BICC1: variants seen among roughly 807,000 people sequenced by gnomAD.
BICC1 encodes BicC family RNA binding protein 1.
BICC1 carries 43 observed loss-of-function variants against 111.0 expected under a neutral mutation model. The ratio of observed to expected loss-of-function variants is 0.39; its 90% CI spans 0.30 to 0.50. The LOEUF (loss-of-function observed/expected upper bound fraction) is 0.50. Ranked by LOEUF, BICC1 falls within the 20% of genes least tolerant of loss-of-function variation. BICC1 has a pLI of 0.88. For missense variants in BICC1, 1,091 were observed against 1,203.2 expected (o/e 0.91, Z 1.38); for synonymous variants, 467 against 434.4 (o/e 1.07, Z -0.93).
chr10:58,684,279 G>A lies in BICC1; in HGVS notation c.238-17795G>A, dbSNP rs995895627. On this transcript the variant is annotated intron_variant, in intron 2 of 20. Transcript: ENST00000373886. Reference sequence around the variant, plus strand: ...ATGTGCTGCTGGATTCAGTTTGCCAGTATTTTATTGAGGATTTTTGCATCG... The same window carrying A: ...ATGTGCTGCTGGATTCAGTTTGCCAATATTTTATTGAGGATTTTTGCATCG... 4.9e-4 allele frequency among the ~76,000 whole-genome samples: 75 copies of A among 152,310 alleles called. 1 individual carries two copies. The highest frequency in any genetic ancestry group is 3.7e-4 in the Non-Finnish European group (25 of 68,020).
chr10:58,513,270 A>G lies in BICC1; in HGVS notation c.127A>G (p.Ser43Gly). The change falls in exon 1 of 21, where the codon AGC (serine) becomes GGC (glycine). Residue 43 changes from serine (S) to glycine (G), a missense_variant. Ser to Gly is a moderately conservative substitution (Grantham distance 56). Coordinates refer to ENST00000373886, the MANE Select transcript of BICC1 (RefSeq NM_001080512.3). ...CTTGGTCGCCGGGGCGACCCTGCAC[A>G]GCCCGGAGTGGAGCGAGGAGCGCTT... ...DDLVAGATLH[S>G]PEWSEERFRV... is the part of the protein sequence containing the mutation. 1.9e-6 allele frequency: 3 copies of G among 1,612,916 alleles called. No individual in the cohort carries two copies. Among genetic ancestry groups the G allele is most frequent in the South Asian group, 1.1e-5 (1 of 90,976 alleles).
At chr10:58,605,307 A>G (rs929849026) in intron 1 of BICC1, among the ~76,000 whole-genome samples, 6 of 152,134 alleles carry the variant, frequency 3.9e-5, no homozygotes, top group South Asian at 2.1e-4. Flanking sequence ...CCCTAGATGT[A>G]GCTGCTTTTT....
At chr10:58,627,897 A>G (rs902605079) in intron 2 of BICC1, among the ~76,000 whole-genome samples, 4 of 152,218 alleles carry the variant, frequency 2.6e-5, no homozygotes, top group Admixed American at 2.0e-4. Context: ...TCAGCCATGT[A>G]ATATTTGAAA....
intron 1 of BICC1, among the ~76,000 whole-genome samples, chr10:58,586,679 C>T (rs1164012825): frequency 1.3e-5 from 2 of 151,584 alleles, no homozygotes; most frequent in South Asian, 2.1e-4. Context: ...TATACATACC[C>T]ACACACACTA....
chr10:58,692,165 T>TGAGA (rs1839928943), intron 2 of BICC1, among the ~76,000 whole-genome samples: 1 of 151,712 alleles, frequency 6.6e-6, no homozygotes, highest in African/African-American at 2.4e-5. Flanking sequence ...ATACTGAGTA[T>TGAGA]GAGAGAGAGA....
chr10:58,517,753 G>C (rs577111786), intron 1 of BICC1, among the ~76,000 whole-genome samples: 2 of 152,302 alleles, frequency 1.3e-5, no homozygotes, highest in African/African-American at 4.8e-5. Context: ...AAATGGGGCA[G>C]TTAATGGTAG....
At chr10:58,828,566 T>C (rs890669794) in intron 20 of BICC1, among the ~76,000 whole-genome samples, 195 bp from the exon 21 acceptor site, 5 of 152,232 alleles carry the variant, frequency 3.3e-5, no homozygotes, top group Non-Finnish European at 7.3e-5. Context: ...ACTATCAATA[T>C]GCTATCTTTA....
chr10:58,615,691 C>CT (rs1156432439), intron 1 of BICC1, among the ~76,000 whole-genome samples: 9 of 152,134 alleles, frequency 5.9e-5, no homozygotes, highest in Non-Finnish European at 1.2e-4. Context: ...TGGCATGACA[C>CT]TTGGCATAGT....
At chr10:58,797,786 A>G (rs1564619624) in intron 10 of BICC1, among the ~76,000 whole-genome samples, 1 of 152,298 alleles carries the variant, frequency 6.6e-6, no homozygotes, top group East Asian at 1.9e-4. Context: ...CATTATTTAA[A>G]TCAAGCATTG....
chr10:58,540,474 G>T (rs1842934801), intron 1 of BICC1, among the ~76,000 whole-genome samples: 1 of 151,920 alleles, frequency 6.6e-6, no homozygotes, highest in African/African-American at 2.4e-5. Flanking sequence ...TATCATAATA[G>T]AGTACTATGA....
At chr10:58,520,644 A>T (rs1842363613) in intron 1 of BICC1, among the ~76,000 whole-genome samples, 1 of 152,164 alleles carries the variant, frequency 6.6e-6, no homozygotes. Flanking sequence ...GTTGATCTGG[A>T]GCTTAACTGT....
intron 2 of BICC1, among the ~76,000 whole-genome samples, chr10:58,688,563 A>G (rs1019211565): frequency 6.6e-6 from 1 of 152,202 alleles, no homozygotes; most frequent in Non-Finnish European, 1.5e-5. Context: ...TCATTTTGCT[A>G]TAAAGACACA....
intron 3 of BICC1, among the ~76,000 whole-genome samples, chr10:58,706,343 G>A (rs527552909): frequency 1.3e-5 from 2 of 152,150 alleles, no homozygotes; most frequent in African/African-American, 4.8e-5. Flanking sequence ...CCTGCTTTAA[G>A]AAATACATAA....
At chr10:58,814,063 CTG>C (rs755652628) in intron 18 of BICC1, 77 bp downstream of exon 18, 3 of 1,517,156 alleles carry the variant, frequency 2.0e-6, no homozygotes, top group Non-Finnish European at 2.7e-6. Context: ...GTATCACTGA[CTG>C]TGGCCTCTCT....
chr10:58,708,612 T>G (rs1316994064), intron 3 of BICC1, among the ~76,000 whole-genome samples: 2 of 152,178 alleles, frequency 1.3e-5, no homozygotes, highest in Non-Finnish European at 2.9e-5. Flanking sequence ...GGCCCGAAGA[T>G]TGGTTGGACC....
chr10:58,653,153 A>C (rs1838505720), intron 2 of BICC1, among the ~76,000 whole-genome samples: 1 of 152,194 alleles, frequency 6.6e-6, no homozygotes, highest in African/African-American at 2.4e-5. Context: ...TATGAAGTAT[A>C]TTTAGCTAGG....
At chr10:58,580,544 T>C (rs1239567401) in intron 1 of BICC1, among the ~76,000 whole-genome samples, 1 of 152,136 alleles carries the variant, frequency 6.6e-6, no homozygotes, top group African/African-American at 2.4e-5. Context: ...TCTGAAACAC[T>C]TCTGGTCTCA....
intron 17 of BICC1, among the ~76,000 whole-genome samples, chr10:58,807,979 T>C (rs1048238426): frequency 1.3e-5 from 2 of 152,072 alleles, no homozygotes; most frequent in African/African-American, 4.8e-5. Context: ...TCATAATTGT[T>C]AGTCTAATAA....
intron 3 of BICC1, among the ~76,000 whole-genome samples, chr10:58,722,351 T>G (rs924393970): frequency 9.2e-5 from 14 of 152,236 alleles, no homozygotes; most frequent in African/African-American, 2.9e-4. Context: ...AGGAATAGTG[T>G]TTATTGATTT....
Sources: allele counts gnomAD v4.1 joint callset (sites outside exome capture counted in the v4.1 genomes callset), GRCh38; gene constraint gnomAD v4.1.1; transcripts MANE v1.5; gene names NCBI Gene and HGNC (gene_info 2026-07-23, HGNC 2026-07-21).